SRGAP2B: variants seen among roughly 807,000 people sequenced by gnomAD.
SRGAP2B encodes SLIT-ROBO Rho GTPase activating protein 2B, also known as SLIT-ROBO Rho GTPase-activating protein 2B.
Under a neutral mutation model 22.2 loss-of-function variants are expected in SRGAP2B, and 9 were observed. That is an observed-to-expected ratio of 0.41 (90% CI 0.24 to 0.71). The LOEUF is 0.71. Ranked by LOEUF, SRGAP2B falls within the 30% of genes least tolerant of loss-of-function variation. The pLI is 0.35. For missense variants in SRGAP2B, 114 were observed against 235.8 expected (o/e 0.48, Z 3.38); for synonymous variants, 36 against 87.4 (o/e 0.41, Z 3.28).
intron 4 of SRGAP2B, among the ~76,000 whole-genome samples, chr1:144,922,764 A>C (rs1458173464): frequency 1.3e-5 from 2 of 150,768 alleles, no homozygotes; most frequent in African/African-American, 5.0e-5. Flanking sequence ...CCTAGGTCAC[A>C]GAATACCAAA....
chr1:145,070,210 T>A lies in SRGAP2B; in HGVS notation c.67+22625A>T, dbSNP rs1403009210. Among the ~76,000 whole-genome samples the A allele has an allele frequency of 1.3e-4, 18 of 142,748 alleles. 1 individual carries two copies. In the Admixed American group the frequency reaches 1.3e-3, roughly 10 times the overall value. 93.6% of individuals were successfully genotyped at this position (142,748 alleles called of 152,430 possible). ...GAGAAGGACCTCCAATTTCTCATTCTCAGCTTCAAAACAAATTAGTCAGTT... is the reference window on the plus strand; with the variant it reads ...GAGAAGGACCTCCAATTTCTCATTCACAGCTTCAAAACAAATTAGTCAGTT... On this transcript the variant is annotated intron_variant, in intron 2 of 9. Coordinates refer to ENST00000612199, the Ensembl canonical transcript of SRGAP2B.
intron 2 of SRGAP2B, among the ~76,000 whole-genome samples, chr1:145,041,704 C>T (rs1212146727): frequency 7.2e-6 from 1 of 139,774 alleles, no homozygotes; most frequent in Non-Finnish European, 1.5e-5. Context: ...CATGTCACTC[C>T]CCTGCTTAAA....
intron 2 of SRGAP2B, among the ~76,000 whole-genome samples, chr1:145,090,170 C>G (rs1353563211): frequency 6.7e-6 from 1 of 148,466 alleles, no homozygotes; most frequent in Non-Finnish European, 1.5e-5. Flanking sequence ...CATAATAATT[C>G]TGACCCAGGG....
intron 2 of SRGAP2B, among the ~76,000 whole-genome samples, chr1:145,019,179 CAAAAAAAA>C (rs1169095846): frequency 1.6e-3 from 67 of 40,646 alleles, no homozygotes; most frequent in Non-Finnish European, 2.2e-3. Context: ...CTTGTCTCTA[CAAAAAAAA>C]AAAAAAAAAA....
intron 2 of SRGAP2B, among the ~76,000 whole-genome samples, chr1:145,001,878 C>G (rs1332126499): frequency 6.7e-6 from 1 of 149,916 alleles, no homozygotes; most frequent in African/African-American, 2.5e-5. Flanking sequence ...TTTAAGTTAG[C>G]TGGGGGGGTG....
In SRGAP2B at chr1:144,990,733, C is replaced by G. The variant is rs868979556; in HGVS notation, c.260+4275G>C. Among the ~76,000 whole-genome samples the G allele has an allele frequency of 5.2e-4, 79 of 151,216 alleles. 4 individuals are homozygous for G. The South Asian group carries it at 6.4e-3, about 12-fold the overall frequency. ...GGGTGGGCTTGGGCTTGGTGGGCCC[C>G]GCACTCGGAGCAGCCGGCCAGCCCT... On this transcript the variant is annotated intron_variant, in intron 3 of 9. Transcript: ENST00000612199.
chr1:145,093,670 C>T (rs1367633428), intron 1 of SRGAP2B, among the ~76,000 whole-genome samples: 1 of 146,236 alleles, frequency 6.8e-6, no homozygotes, highest in Non-Finnish European at 1.5e-5. Flanking sequence ...TGCGCGGGCT[C>T]CGGGCGGGAA....
chr1:145,030,702 TTAA>T (rs1329835660), intron 2 of SRGAP2B, among the ~76,000 whole-genome samples: 4 of 20,640 alleles, frequency 1.9e-4, no homozygotes, highest in Admixed American at 8.0e-4. Flanking sequence ...AAAGTATAAT[TTAA>T]AAAAAAAAAA....
At chr1:144,917,514 G>T (rs1231818387) in intron 4 of SRGAP2B, among the ~76,000 whole-genome samples, 4 of 136,044 alleles carry the variant, frequency 2.9e-5, no homozygotes, top group Non-Finnish European at 6.2e-5. Flanking sequence ...GCTTACCCAT[G>T]ACTTAAATAA....
At chr1:144,943,519 G>A (rs1398377816) in intron 4 of SRGAP2B, among the ~76,000 whole-genome samples, 7 of 148,276 alleles carry the variant, frequency 4.7e-5, no homozygotes, top group Non-Finnish European at 7.4e-5. Context: ...AAAGAATAGA[G>A]AAAAGGAAGG....
rs1553621676 is a variant in SRGAP2B, at chr1:145,008,976, C to G, written c.68-13776G>C. Reference sequence around the variant, plus strand: ...CACGAGGTCAGGAGATCGAGACCATCCTGGCTAACACAGTGAAACCCCGTC... The same window carrying G: ...CACGAGGTCAGGAGATCGAGACCATGCTGGCTAACACAGTGAAACCCCGTC... On this transcript the variant is annotated intron_variant, in intron 2 of 9. Coordinates refer to ENST00000612199, the Ensembl canonical transcript of SRGAP2B. 2.0e-5 allele frequency among the ~76,000 whole-genome samples: 3 copies of G among 148,940 alleles called. No homozygotes were observed. The East Asian group carries it at 6.0e-4, about 30-fold the overall frequency.
chr1:145,007,549 C>G (rs371823386), intron 2 of SRGAP2B, among the ~76,000 whole-genome samples: 4 of 150,636 alleles, frequency 2.7e-5, no homozygotes, highest in Non-Finnish European at 5.9e-5. Flanking sequence ...AGATGCTATC[C>G]ACTGGAGAGG....
intron 2 of SRGAP2B, among the ~76,000 whole-genome samples, chr1:145,007,809 T>C: frequency 7.2e-6 from 1 of 139,490 alleles, no homozygotes; most frequent in Non-Finnish European, 1.5e-5. Context: ...CTTCTTTTTT[T>C]TTTTTTTTTT....
At chr1:145,009,587 C>CA (rs142447274) in intron 2 of SRGAP2B, among the ~76,000 whole-genome samples, 14,955 of 79,102 alleles carry the variant, frequency 0.19, 1,161 homozygotes, top group Non-Finnish European at 0.25. Context: ...GACTCCGTCT[C>CA]AAAAAAAAAA....
Position 145,022,676 on chromosome 1 carries a change from A to T in SRGAP2B, c.68-27476T>A, listed in dbSNP as rs587710695. Among the ~76,000 whole-genome samples, 36 of 150,696 alleles carry T rather than the reference A, an allele frequency of 2.4e-4. 3 individuals carry two copies. The highest frequency in any genetic ancestry group is 8.2e-4 in the African/African-American group (33 of 40,232). Reference sequence around the variant, plus strand: ...AATGTGCATCTTCATAAAGAAGCTAAACAATCAGTCTAACACCCACATGGA... The same window carrying T: ...AATGTGCATCTTCATAAAGAAGCTATACAATCAGTCTAACACCCACATGGA... On this transcript the variant is annotated intron_variant, in intron 2 of 9. Coordinates refer to ENST00000612199, the Ensembl canonical transcript of SRGAP2B.
Position 144,951,178 on chromosome 1 carries a change from GT to G in SRGAP2B, c.423+4260del, listed in dbSNP as rs1271556302. Among the ~76,000 whole-genome samples, 52 of 139,504 alleles carry G rather than the reference GT, an allele frequency of 3.7e-4. 1 individual carries two copies. The highest frequency in any genetic ancestry group is 5.7e-4 in the African/African-American group (21 of 37,048). 91.5% of individuals were successfully genotyped at this position (139,504 alleles called of 152,430 possible). A position where few individuals can be genotyped will look rare whatever the true frequency, so the allele number is the denominator to read the frequency against. On this transcript the variant is annotated intron_variant, in intron 4 of 9. Transcript: ENST00000612199. ...TTTTGTTTTTTGTTTTTTGTTTTTT[GT>G]TTTTTTTTTTTAAACAGACAGGGTC...
Position 145,044,541 on chromosome 1 carries a change from G to A in SRGAP2B, c.67+48294C>T, listed in dbSNP as rs587696263. 2.1e-3 allele frequency among the ~76,000 whole-genome samples: 307 copies of A among 144,492 alleles called. 1 individual carries two copies. The highest frequency in any genetic ancestry group is 3.0e-3 in the Non-Finnish European group (203 of 66,632). 94.8% of individuals were successfully genotyped at this position (144,492 alleles called of 152,430 possible). ...AATGTAAATGTTTAGGGAGATTGAA[G>A]TAGATGAAACAAGTCTGGCAAAATT... On this transcript the variant is annotated intron_variant, in intron 2 of 9. Transcript: ENST00000612199.
chr1:145,007,830 G>A lies in SRGAP2B; in HGVS notation c.68-12630C>T. On this transcript the variant is annotated intron_variant, in intron 2 of 9. Coordinates refer to ENST00000612199, the Ensembl canonical transcript of SRGAP2B. ...TTTTTTTTTTTTTTTTTTTTGAGAT[G>A]GAGTCTCGCTCTGTTGCCCAGGCTG... is the stretch of plus-strand genomic sequence containing the variant. Among the ~76,000 whole-genome samples the A allele has an allele frequency of 3.4e-5, 3 of 88,432 alleles. No individual in the cohort carries two copies. In the South Asian group the frequency reaches 1.4e-3, roughly 40 times the overall value. 58.0% of individuals were successfully genotyped at this position (88,432 alleles called of 152,430 possible). A position where few individuals can be genotyped will look rare whatever the true frequency, so the allele number is the denominator to read the frequency against.
chr1:145,089,403 T>C (rs1186271363), intron 2 of SRGAP2B, among the ~76,000 whole-genome samples: 1 of 147,028 alleles, frequency 6.8e-6, no homozygotes, highest in Non-Finnish European at 1.5e-5. Flanking sequence ...GGGTTGGGGC[T>C]GAAGCCTCAG....
Sources: allele counts gnomAD v4.1 joint callset (sites outside exome capture counted in the v4.1 genomes callset), GRCh38; gene constraint gnomAD v4.1.1; transcripts MANE v1.5; gene names NCBI Gene and HGNC (gene_info 2026-07-23, HGNC 2026-07-21).